WWOX: variants seen among roughly 807,000 people sequenced by gnomAD.
The protein encoded by WWOX is WW domain-containing oxidoreductase.
Under a neutral mutation model 46.2 loss-of-function variants are expected in WWOX, and 69 were observed. The ratio of observed to expected loss-of-function variants is 1.49; its 90% CI spans 1.23 to 1.82. The LOEUF is 1.82. WWOX is among the 40% of genes most tolerant of loss of function. The pLI is 0.00. For missense variants in WWOX, 919 were observed against 542.6 expected, an observed-to-expected ratio of 1.69 and a Z score of -6.89; for synonymous variants, 359 against 202.6, an observed-to-expected ratio of 1.77 and a Z score of -6.56.
chr16:78,773,476 C>T (rs2050116596), intron 8 of WWOX, among the ~76,000 whole-genome samples: 2 of 152,194 alleles, frequency 1.3e-5, no homozygotes, highest in African/African-American at 4.8e-5. Context: ...ATGAGGCGGG[C>T]AGCAGGGTAC....
intron 8 of WWOX, among the ~76,000 whole-genome samples, chr16:78,927,638 T>G (rs2045528821): frequency 6.6e-6 from 1 of 152,214 alleles, no homozygotes. Flanking sequence ...CCTTTAAATC[T>G]AAATTGGAGA....
chr16:79,204,687 C>G (rs577282667), intron 8 of WWOX: 2 of 152,274 alleles, frequency 1.3e-5, no homozygotes, highest in Non-Finnish European at 2.9e-5. Context: ...GCCCTTCAAT[C>G]CTGCTGATAG....
At chr16:78,598,436 C>T (rs146699530) in intron 8 of WWOX, among the ~76,000 whole-genome samples, 3 of 152,184 alleles carry the variant, frequency 2.0e-5, no homozygotes, top group East Asian at 1.9e-4. Flanking sequence ...ACTTCTTCCT[C>T]TTTCCCCCCG....
At chr16:78,545,733 C>G (rs1004854110) in intron 8 of WWOX, among the ~76,000 whole-genome samples, 3 of 152,148 alleles carry the variant, frequency 2.0e-5, no homozygotes, top group Non-Finnish European at 4.4e-5. Context: ...TCTCACAGTT[C>G]TGGAGGCTGG....
chr16:78,792,264 G>T (rs2050624266), intron 8 of WWOX, among the ~76,000 whole-genome samples: 1 of 152,210 alleles, frequency 6.6e-6, no homozygotes, highest in African/African-American at 2.4e-5. Context: ...CAATGGGGCT[G>T]GGAATGGGCT....
chr16:78,606,626 C>T (rs1263871569), intron 8 of WWOX, among the ~76,000 whole-genome samples: 2 of 150,944 alleles, frequency 1.3e-5, no homozygotes, highest in African/African-American at 4.9e-5. Context: ...GTGCGAAAAT[C>T]AGTGACACGA....
chr16:78,609,878 G>A (rs1193555286), intron 8 of WWOX, among the ~76,000 whole-genome samples: 1 of 152,136 alleles, frequency 6.6e-6, no homozygotes, highest in East Asian at 1.9e-4. Context: ...ACCTTTTCTT[G>A]CTTTAGTGAT....
At chr16:78,371,618 C>T (rs1022151496) in intron 5 of WWOX, among the ~76,000 whole-genome samples, 1 of 152,108 alleles carries the variant, frequency 6.6e-6, no homozygotes, top group Non-Finnish European at 1.5e-5. Flanking sequence ...TTGGCACATG[C>T]AAGTTCATGA....
At chr16:78,926,546 C>T (rs962934223) in intron 8 of WWOX, among the ~76,000 whole-genome samples, 8 of 152,140 alleles carry the variant, frequency 5.3e-5, no homozygotes, top group Non-Finnish European at 8.8e-5. Context: ...AACTTGTTTT[C>T]AGTCATTTTG....
chr16:79,083,392 G>C (rs1456725417), intron 8 of WWOX, among the ~76,000 whole-genome samples: 1 of 152,108 alleles, frequency 6.6e-6, no homozygotes, highest in Admixed American at 6.5e-5. Flanking sequence ...GGGTCCCTGA[G>C]TGACCACAGT....
chr16:78,795,823 C>A (rs552405751), intron 8 of WWOX, among the ~76,000 whole-genome samples: 2 of 151,982 alleles, frequency 1.3e-5, no homozygotes, highest in Admixed American at 1.3e-4. Context: ...TATAAAGTAT[C>A]TAGTAGAGTG....
At chr16:78,596,988 G>C (rs1007693756) in intron 8 of WWOX, among the ~76,000 whole-genome samples, 1 of 152,158 alleles carries the variant, frequency 6.6e-6, no homozygotes, top group African/African-American at 2.4e-5. Flanking sequence ...GCAGTTTAAA[G>C]ACAAATCCTT....
At chr16:79,153,947 C>T (rs902478972) in intron 8 of WWOX, among the ~76,000 whole-genome samples, 8 of 140,506 alleles carry the variant, frequency 5.7e-5, no homozygotes, top group Non-Finnish European at 1.1e-4. Flanking sequence ...TCCACAATTT[C>T]TTGTCCTGCC....
At chr16:78,327,018 T>A (rs1324977585) in intron 5 of WWOX, among the ~76,000 whole-genome samples, 2 of 152,240 alleles carry the variant, frequency 1.3e-5, no homozygotes, top group African/African-American at 4.8e-5. Flanking sequence ...CAATTAATAG[T>A]CATCCTTGGC....
rs118041521 is a variant in WWOX, at chr16:79,142,406, G to A, written c.1057-69202G>A. Among the ~76,000 whole-genome samples the A allele has an allele frequency of 8.0e-3, 1,211 of 152,290 alleles. 9 individuals carry two copies. The highest frequency in any genetic ancestry group is 0.012 in the Non-Finnish European group (842 of 68,024). On this transcript the variant is annotated intron_variant, in intron 8 of 8. Transcript: ENST00000566780. ...CATGTTTAGTGACATCATGTTGATA[G>A]CTTGATTTCAGCCATAGTGAGAATA...
chr16:78,611,000 C>G (rs1038658753), intron 8 of WWOX, among the ~76,000 whole-genome samples: 2 of 151,952 alleles, frequency 1.3e-5, no homozygotes, highest in African/African-American at 4.8e-5. Flanking sequence ...AACAAAAAAC[C>G]AAGTAGGAAG....
At chr16:79,045,992 G>A (rs1253099736) in intron 8 of WWOX, among the ~76,000 whole-genome samples, 1 of 151,614 alleles carries the variant, frequency 6.6e-6, no homozygotes, top group Non-Finnish European at 1.5e-5. Flanking sequence ...AGTAGAGACG[G>A]GCTTTCACCA....
chr16:78,605,935 G>T lies in WWOX; in HGVS notation c.1056+173183G>T, dbSNP rs78527436. On this transcript the variant is annotated intron_variant, in intron 8 of 8. Transcript: ENST00000566780. Reference sequence around the variant, plus strand: ...CATGGAGCAAGAAGCTGAAACATGCGCATTTGTAATAGACTCAGCATCTGA... The same window carrying T: ...CATGGAGCAAGAAGCTGAAACATGCTCATTTGTAATAGACTCAGCATCTGA... Among the ~76,000 whole-genome samples the T allele has an allele frequency of 4.0e-3, 603 of 152,254 alleles. 34 individuals are homozygous for T. The East Asian group carries it at 0.094, about 24-fold the overall frequency.
chr16:79,141,035 C>T (rs2050079277), intron 8 of WWOX, among the ~76,000 whole-genome samples: 1 of 152,104 alleles, frequency 6.6e-6, no homozygotes, highest in East Asian at 1.9e-4. Flanking sequence ...ATCTTGGGCC[C>T]CCAAATCACT....
Sources: gnomAD v4.1 joint callset for allele counts (sites outside exome capture counted in the v4.1 genomes callset) on GRCh38, gnomAD v4.1.1 for gene constraint, MANE v1.5 for transcripts, NCBI Gene and HGNC (gene_info 2026-07-23, HGNC 2026-07-21) for gene names.